KIRREL3: variants seen among roughly 807,000 people sequenced by gnomAD.
The protein encoded by KIRREL3 is kin of IRRE-like protein 3.
In KIRREL3, 36 loss-of-function variants were observed where a neutral mutation model predicts 89.7. The observed-to-expected ratio is 0.40, with a 90% CI of 0.31 to 0.53. KIRREL3 has a LOEUF of 0.53. KIRREL3 is among the 20% of genes least tolerant of loss of function. KIRREL3 has a pLI of 0.49. For synonymous variants in KIRREL3, 445 were observed against 441.4 expected (o/e 1.01, Z -0.10); for missense variants, 864 against 1,056.6 (o/e 0.82, Z 2.53).
intron 1 of KIRREL3, among the ~76,000 whole-genome samples, chr11:126,922,454 T>A (rs1262045623): frequency 1.3e-5 from 2 of 152,084 alleles, no homozygotes; most frequent in African/African-American, 4.8e-5. Context: ...CATGTCCATC[T>A]CCAAACTCAT....
intron 1 of KIRREL3, among the ~76,000 whole-genome samples, chr11:126,851,907 G>A (rs1401792845): frequency 6.6e-6 from 1 of 152,194 alleles, no homozygotes; most frequent in Non-Finnish European, 1.5e-5. Flanking sequence ...GCAGACCGTG[G>A]CTCCTCTACC....
intron 1 of KIRREL3, among the ~76,000 whole-genome samples, chr11:126,851,087 G>C (rs989633904): frequency 1.3e-5 from 2 of 152,188 alleles, no homozygotes; most frequent in Non-Finnish European, 2.9e-5. Flanking sequence ...TCCCTGGTGG[G>C]GTTGGGTAGG....
At position 126,541,831 on chromosome 11, in the gene KIRREL3, GTC is replaced by G. The variant is rs372968279; in HGVS notation, c.134-15146_134-15145del. Among the ~76,000 whole-genome samples, 667 of 152,264 alleles carry G rather than the reference GTC, an allele frequency of 4.4e-3. 4 individuals carry two copies. The highest frequency in any genetic ancestry group is 0.015 in the African/African-American group (632 of 41,548). Reference sequence around the variant, plus strand: ...ACTGGGTGGCCTTGATTAAGTGGCTGTCTCTCTCTCGGGGTGCGCATTGATGT... The same window carrying G: ...ACTGGGTGGCCTTGATTAAGTGGCTGTCTCTCTCGGGGTGCGCATTGATGT... On this transcript the variant is annotated intron_variant, in intron 2 of 16. Coordinates refer to ENST00000525144, the MANE Select transcript of KIRREL3 (RefSeq NM_032531.4). The surrounding 1 kb of genome is among the most constrained non-coding windows in gnomAD (Gnocchi z 4.8).
rs1945547160 is a variant in KIRREL3, at chr11:126,664,227, G to T, written c.56-101315C>A. Among the ~76,000 whole-genome samples, 1 of 142,498 alleles carries T rather than the reference G, an allele frequency of 7.0e-6. No homozygotes were observed. Among genetic ancestry groups the T allele is most frequent in the Non-Finnish European group, 1.5e-5 (1 of 65,682 alleles). 93.5% of individuals were successfully genotyped at this position (142,498 alleles called of 152,430 possible). On this transcript the variant is annotated intron_variant, in intron 1 of 16. Coordinates refer to ENST00000525144, the MANE Select transcript of KIRREL3 (RefSeq NM_032531.4). The surrounding 1 kb of genome is among the most constrained non-coding windows in gnomAD (Gnocchi z 5.4). ...AGTGAGGTTTCAGGCTTTTGCTGGG[G>T]CCATTAGCATTTTTTTTTTTTTTAC...
At chr11:126,809,165 A>AG (rs1489345194) in intron 1 of KIRREL3, among the ~76,000 whole-genome samples, 3 of 152,154 alleles carry the variant, frequency 2.0e-5, no homozygotes, top group Non-Finnish European at 2.9e-5. Context: ...ACCTTCATTA[A>AG]GGGGTGGCAG....
At chr11:126,725,704 G>A (rs1948353889) in intron 1 of KIRREL3, among the ~76,000 whole-genome samples, 1 of 152,200 alleles carries the variant, frequency 6.6e-6, no homozygotes, top group Non-Finnish European at 1.5e-5. Context: ...CTCGCTGCAA[G>A]GCTGCTGCTG....
rs941880563 is a variant in KIRREL3, at chr11:126,651,146, G to C, written c.56-88234C>G. The stretch of plus-strand genomic sequence containing the variant: ...ACAATTCAAGATGATATGTGGGTGG[G>C]GACACAGCAAAACCATATCAGAAAA... On this transcript the variant is annotated intron_variant, in intron 1 of 16. Coordinates refer to ENST00000525144, the MANE Select transcript of KIRREL3 (RefSeq NM_032531.4). This position sits in a 1 kb window ranked among gnomAD's most constrained non-coding sequence, Gnocchi z 4.6. Among the ~76,000 whole-genome samples the C allele has an allele frequency of 4.6e-5, 7 of 152,106 alleles. No homozygotes were observed. Among genetic ancestry groups the C allele is most frequent in the Admixed American group, 6.5e-5 (1 of 15,278 alleles).
At position 126,463,080 on chromosome 11, in the gene KIRREL3, C is replaced by G. The variant is rs1956600826; in HGVS notation, c.742+77G>C. 1 of 1,438,296 alleles carries G rather than the reference C, an allele frequency of 7.0e-7. No homozygotes were observed. Among genetic ancestry groups the G allele is most frequent in the African/African-American group, 1.4e-5 (1 of 71,502 alleles). The allele number at this position is 1,438,296 out of a possible 1,614,324, so 89.1% of individuals were successfully genotyped here. ...ACCCATTTCCTGCTATCAGATGGGC[C>G]AGGCTATGGTCAGGGTTGCTGGGTG... On this transcript the variant is annotated intron_variant, in intron 6 of 16. Coordinates refer to ENST00000525144, the MANE Select transcript of KIRREL3 (RefSeq NM_032531.4). This position sits in a 1 kb window ranked among gnomAD's most constrained non-coding sequence, Gnocchi z 5.9.
chr11:126,678,532 G>A (rs1314091414), intron 1 of KIRREL3, among the ~76,000 whole-genome samples: 4 of 141,436 alleles, frequency 2.8e-5, no homozygotes, highest in Non-Finnish European at 4.5e-5. Context: ...CCTGGGAGAC[G>A]GAGCTTACAG....
Position 126,550,998 on chromosome 11 carries a change from G to C in KIRREL3, c.133+11837C>G, listed in dbSNP as rs1466130168. On this transcript the variant is annotated intron_variant, in intron 2 of 16. Transcript: ENST00000525144. The surrounding 1 kb of genome is among the most constrained non-coding windows in gnomAD (Gnocchi z 4.9). ...TTCTGGCAGACCCGCTGCAAGTTGG[G>C]GGTTCCCAAGACCTTCTGTTTGGGT... 6.6e-6 allele frequency among the ~76,000 whole-genome samples: 1 copy of C among 152,184 alleles called. No homozygotes were observed. The highest frequency in any genetic ancestry group is 1.5e-5 in the Non-Finnish European group (1 of 68,036).
chr11:126,893,667 C>T (rs1424797998), intron 1 of KIRREL3, among the ~76,000 whole-genome samples: 1 of 152,238 alleles, frequency 6.6e-6, no homozygotes, highest in Non-Finnish European at 1.5e-5. Flanking sequence ...GCTCCGCATC[C>T]ACCCTGTCCA....
At position 126,736,304 on chromosome 11, in the gene KIRREL3, C is replaced by T. The variant is rs969127431; in HGVS notation, c.56-173392G>A. Among the ~76,000 whole-genome samples, 1 of 152,208 alleles carries T rather than the reference C, an allele frequency of 6.6e-6. No individual in the cohort carries two copies. The highest frequency in any genetic ancestry group is 1.5e-5 in the Non-Finnish European group (1 of 68,038). ...ACTCTTGTGAAATGTGCACTATCATCTCCATTTTGCAGATAAGCAAACCGA... is the reference window on the plus strand; with the variant it reads ...ACTCTTGTGAAATGTGCACTATCATTTCCATTTTGCAGATAAGCAAACCGA... On this transcript the variant is annotated intron_variant, in intron 1 of 16. Coordinates refer to ENST00000525144, the MANE Select transcript of KIRREL3 (RefSeq NM_032531.4). This position sits in a 1 kb window ranked among gnomAD's most constrained non-coding sequence, Gnocchi z 5.0.
intron 1 of KIRREL3, among the ~76,000 whole-genome samples, chr11:126,929,338 G>A (rs1947844854): frequency 6.6e-6 from 1 of 152,122 alleles, no homozygotes; most frequent in South Asian, 2.1e-4. Context: ...AGGGAGTCAA[G>A]ACAGGGAAGG....
chr11:126,699,627 T>C (rs545982095), intron 1 of KIRREL3, among the ~76,000 whole-genome samples: 1 of 152,354 alleles, frequency 6.6e-6, no homozygotes, highest in South Asian at 2.1e-4. Context: ...CTTCAAAGTC[T>C]GGTATATATT....
chr11:126,476,398 A>G lies in KIRREL3; in HGVS notation c.434-2932T>C, dbSNP rs1164410244. On this transcript the variant is annotated intron_variant, in intron 4 of 16. Coordinates refer to ENST00000525144, the MANE Select transcript of KIRREL3 (RefSeq NM_032531.4). The surrounding 1 kb of genome is among the most constrained non-coding windows in gnomAD (Gnocchi z 6.4). Reference sequence around the variant, plus strand: ...GCCACCAAGGCCTTCCCGAGAATCCAAGACCCAGAGGACGGGCCCTTCCTC... The same window carrying G: ...GCCACCAAGGCCTTCCCGAGAATCCGAGACCCAGAGGACGGGCCCTTCCTC... Among the ~76,000 whole-genome samples, 4 of 152,100 alleles carry G rather than the reference A, an allele frequency of 2.6e-5. No individual in the cohort carries two copies. The highest frequency in any genetic ancestry group is 6.5e-5 in the Admixed American group (1 of 15,288).
chr11:126,970,881 T>G lies in KIRREL3; in HGVS notation c.55+29574A>C, dbSNP rs1428906625. On this transcript the variant is annotated intron_variant, in intron 1 of 16. Coordinates refer to ENST00000525144, the MANE Select transcript of KIRREL3 (RefSeq NM_032531.4). This position sits in a 1 kb window ranked among gnomAD's most constrained non-coding sequence, Gnocchi z 4.4. ...AATGAGGCTCACCTGCTGCCAGGTA[T>G]CTACGCAGCAGGAGAACCACAAACA... 6.6e-6 allele frequency among the ~76,000 whole-genome samples: 1 copy of G among 152,200 alleles called. No homozygotes were observed. Among genetic ancestry groups the G allele is most frequent in the Non-Finnish European group, 1.5e-5 (1 of 68,050 alleles).
intron 1 of KIRREL3, among the ~76,000 whole-genome samples, chr11:126,599,602 G>A (rs1450828858): frequency 6.6e-6 from 1 of 152,184 alleles, no homozygotes; most frequent in Non-Finnish European, 1.5e-5. Flanking sequence ...GCCTCTAGGG[G>A]TCTGTCATTC....
intron 1 of KIRREL3, among the ~76,000 whole-genome samples, chr11:126,894,359 G>T (rs1373028674): frequency 6.6e-6 from 1 of 151,900 alleles, no homozygotes; most frequent in Non-Finnish European, 1.5e-5. Context: ...AGAGCTTACA[G>T]CCCAGGCTGG....
rs539984792 is a variant in KIRREL3, at chr11:126,579,123, G to C, written c.56-16211C>G. On this transcript the variant is annotated intron_variant, in intron 1 of 16. Coordinates refer to ENST00000525144, the MANE Select transcript of KIRREL3 (RefSeq NM_032531.4). This position sits in a 1 kb window ranked among gnomAD's most constrained non-coding sequence, Gnocchi z 5.3. ...TTGCACCAGAGCTCACCAATGTCTC[G>C]GAGAGGTCCTCCCTTCCTGCCAGCC... is the stretch of plus-strand genomic sequence containing the variant. Among the ~76,000 whole-genome samples, 1 of 151,996 alleles carries C rather than the reference G, an allele frequency of 6.6e-6. No homozygotes were observed. Among genetic ancestry groups the C allele is most frequent in the African/African-American group, 2.4e-5 (1 of 41,364 alleles).
Sources: gnomAD v4.1 joint callset for allele counts (sites outside exome capture counted in the v4.1 genomes callset) on GRCh38, gnomAD v4.1.1 for gene constraint, Gnocchi (gnomAD v3.1) non-coding constraint, MANE v1.5 for transcripts, NCBI Gene and HGNC (gene_info 2026-07-23, HGNC 2026-07-21) for gene names.